The following CLUH variants were observed in gnomAD, a reference collection of about 807,000 sequenced individuals.
CLUH encodes clustered mitochondria protein homolog.
A neutral mutation model predicts 139.3 loss-of-function variants in CLUH; 77 were observed. That is an observed-to-expected ratio of 0.55 (90% CI 0.46 to 0.67). The LOEUF (loss-of-function observed/expected upper bound fraction) is 0.67, where lower values mean the gene tolerates loss of function less well. Ranked by LOEUF, CLUH falls within the 30% of genes least tolerant of loss-of-function variation. The pLI, the probability that CLUH is intolerant of heterozygous loss-of-function variation, is 0.00. For missense variants in CLUH, 1,876 were observed against 1,875.8 expected (o/e 1.00, Z 0.00); for synonymous variants, 999 against 801.6 (o/e 1.25, Z -4.16).
In CLUH at chr17:2,696,423, C is replaced by A. The variant is rs1416482059; in HGVS notation, c.2290+11G>T. On this transcript the variant is annotated intron_variant, in intron 12 of 25. Coordinates refer to ENST00000651024, the MANE Select transcript of CLUH (RefSeq NM_001366661.1). ...GGAGGGCTCCTGCGCTGGCCGGCCC[C>A]CACCACCTGCCTGGTGAGAAGATGT... The A allele has an allele frequency of 1.3e-5, 20 of 1,574,178 alleles. No individual in the cohort carries two copies. Among genetic ancestry groups the A allele is most frequent in the Non-Finnish European group, 1.7e-5 (20 of 1,161,352 alleles).
chr17:2,698,844 G>A (rs1039965926), intron 9 of CLUH, among the ~76,000 whole-genome samples: 2 of 152,080 alleles, frequency 1.3e-5, no homozygotes, highest in Non-Finnish European at 2.9e-5. Flanking sequence ...ACGAGTTCGA[G>A]ACCAGCCTGA....
chr17:2,694,940 T>C lies in CLUH; in HGVS notation c.2769A>G (p.Thr923=). The C allele has an allele frequency of 6.2e-7, 1 of 1,609,470 alleles. No homozygotes were observed. The highest frequency in any genetic ancestry group is 8.5e-7 in the Non-Finnish European group (1 of 1,177,786). The change falls in exon 16 of 26, where the codon ACA becomes ACG. Residue 923 remains threonine, a synonymous_variant. Transcript: ENST00000651024. The part of the protein sequence containing the change: ...KNRPPGAADN[T]AWAVMTPQEL... ...CCTGGGGGGTCATGACAGCCCAGGC[T>C]GTGTTATCTGCAGCCCCCGGGGGCC...
In CLUH at chr17:2,702,069, G is replaced by C; in HGVS notation, c.476-12C>G. 2 of 1,612,436 alleles carry C rather than the reference G, an allele frequency of 1.2e-6. No homozygotes were observed. The highest frequency in any genetic ancestry group is 1.7e-6 in the Non-Finnish European group (2 of 1,179,342). On this transcript the variant is annotated splice_polypyrimidine_tract_variant and intron_variant, in intron 3 of 25. Transcript: ENST00000651024. Reference sequence around the variant, plus strand: ...CACCGTGTACGGCTCTGTCAGGAAGGCAGGGAGGGTATGGCGTTACCAGGG... The same window carrying C: ...CACCGTGTACGGCTCTGTCAGGAAGCCAGGGAGGGTATGGCGTTACCAGGG...
intron 16 of CLUH, 44 bp from the exon 17 acceptor site, chr17:2,694,608 G>GC (rs746259581): frequency 8.7e-5 from 132 of 1,516,630 alleles, no homozygotes; most frequent in South Asian, 5.6e-4. Flanking sequence ...GCACCGCCGG[G>GC]CCCCCCCAAC....
In CLUH at chr17:2,691,986, CACGCCCCCGCCGCGCA is replaced by C; in HGVS notation, c.3654+2_3654+17del. On this transcript the variant is annotated splice_donor_variant and splice_donor_5th_base_variant and intron_variant, in intron 23 of 25. Coordinates refer to ENST00000651024, the MANE Select transcript of CLUH (RefSeq NM_001366661.1). LOFTEE classifies it high-confidence loss of function. Reference sequence around the variant, plus strand: ...GCCCCCGCCCCGCCCCCGCCCCCGCCACGCCCCCGCCGCGCACCTGCGTCTTGTAGATGGTGTAACC... The same window carrying C: ...GCCCCCGCCCCGCCCCCGCCCCCGCCCCTGCGTCTTGTAGATGGTGTAACC... 3.2e-6 allele frequency: 1 copy of C among 316,130 alleles called. No individual in the cohort carries two copies. The highest frequency in any genetic ancestry group is 3.9e-6 in the Non-Finnish European group (1 of 254,798). 19.6% of individuals were successfully genotyped at this position (316,130 alleles called of 1,614,324 possible).
At chr17:2,692,999 G>C (rs967586798) in intron 19 of CLUH, 139 bp from the exon 20 acceptor site, 48 of 709,664 alleles carry the variant, frequency 6.8e-5, no homozygotes, top group Admixed American at 3.5e-4. Context: ...AGTGCAGCAG[G>C]GGGGAGGGGG....
intron 4 of CLUH, 53 bp downstream of exon 4, chr17:2,701,861 C>T: frequency 1.9e-6 from 3 of 1,607,846 alleles, no homozygotes; most frequent in South Asian, 1.1e-5. Flanking sequence ...CAGCCCCCCA[C>T]CTCCGTGCTC....
rs1182918433 is a variant in CLUH at position 2,697,957 on chromosome 17, C to T, written c.1900G>A (p.Ala634Thr). 4 of 1,566,046 alleles carry T rather than the reference C, an allele frequency of 2.6e-6. No homozygotes were observed. The South Asian group carries it at 3.5e-5, about 14-fold the overall frequency. Residue 634 changes from alanine to threonine, a missense_variant, in exon 10 of 26, where the codon GCC (alanine) becomes ACC (threonine). Transcript: ENST00000651024. ...EECARAGFPR[A>T]HRHKLCCLRQ... Reference sequence around the variant, plus strand: ...AGGCAGCAGAGCTTGTGCCGGTGGGCGCGGGGGAAGCCGGCGCGGGCGCAT... The same window carrying T: ...AGGCAGCAGAGCTTGTGCCGGTGGGTGCGGGGGAAGCCGGCGCGGGCGCAT...
At chr17:2,699,026 G>A (rs1434492381) in intron 9 of CLUH, among the ~76,000 whole-genome samples, 3 of 152,042 alleles carry the variant, frequency 2.0e-5, no homozygotes, top group Non-Finnish European at 4.4e-5. Context: ...CAGCCTGGGG[G>A]ACAGAGTGAG....
rs761993985 is a variant in CLUH at position 2,698,587 on chromosome 17, G to A, written c.1270C>T (p.His424Tyr). Residue 424 changes from histidine to tyrosine, a missense_variant, in exon 10 of 26, where the codon CAC becomes TAC. Around this residue, in one of 3 missense-constraint regions of CLUH, gnomAD observed 1,454 missense variants for 1,384.4 expected, o/e 1.05. Transcript: ENST00000651024. The stretch of plus-strand genomic sequence containing the variant: ...GTGGCTGCCGCGGTGAAGTCGCTGT[G>A]CACCTGGCGGGGGTCGAGGAGGGCA... ...LLRERAIFKVHSDFTAAATRG... is the reference protein window; with the variant it reads ...LLRERAIFKVYSDFTAAATRG... 6 of 1,597,490 alleles carry A rather than the reference G, an allele frequency of 3.8e-6. No homozygotes were observed. Among genetic ancestry groups the A allele is most frequent in the Non-Finnish European group, 3.4e-6 (4 of 1,171,420 alleles).
chr17:2,697,754 G>T, intron 10 of CLUH, 142 bp downstream of exon 10: 2 of 811,962 alleles, frequency 2.5e-6, no homozygotes, highest in African/African-American at 1.8e-5. Flanking sequence ...GGTGGGGACG[G>T]GTCTCCAATG....
In CLUH at chr17:2,706,354, T is replaced by C. The variant is rs1161682533; in HGVS notation, c.101-1790A>G. Among the ~76,000 whole-genome samples, 1 of 152,052 alleles carries C rather than the reference T, an allele frequency of 6.6e-6. No homozygotes were observed. The highest frequency in any genetic ancestry group is 1.5e-5 in the Non-Finnish European group (1 of 67,996). On this transcript the variant is annotated intron_variant, in intron 1 of 25. Transcript: ENST00000651024. This position sits in a 1 kb window ranked among gnomAD's most constrained non-coding sequence, Gnocchi z 4.6. ...TCCCCCTTACCCCAAAGAGGGGTAT[T>C]TGAAGCCCAGAAAGGCTCGGAGCCT...
intron 11 of CLUH, 72 bp from the exon 12 acceptor site, chr17:2,696,610 C>A: frequency 2.0e-6 from 3 of 1,530,968 alleles, no homozygotes; most frequent in Non-Finnish European, 2.6e-6. Context: ...CCAAGCCTCG[C>A]CCCCTAGCTC....
chr17:2,694,059 G>A lies in CLUH; in HGVS notation c.3092-20C>T, dbSNP rs948660612. 3.8e-5 allele frequency: 61 copies of A among 1,613,778 alleles called. No individual in the cohort carries two copies. Among genetic ancestry groups the A allele is most frequent in the Non-Finnish European group, 5.0e-5 (59 of 1,179,840 alleles). On this transcript the variant is annotated intron_variant, in intron 18 of 25. Transcript: ENST00000651024. ...GGAAGCCTGCAGGGCACCCCCAGGGGTGGCAAGGTCAGGACGGGCCATGGG... is the reference window on the plus strand; with the variant it reads ...GGAAGCCTGCAGGGCACCCCCAGGGATGGCAAGGTCAGGACGGGCCATGGG...
rs1415881952 is a variant in CLUH, at chr17:2,701,491, C to T, written c.774G>A (p.Met258Ile). The T allele has an allele frequency of 1.2e-6, 2 of 1,613,888 alleles. No homozygotes were observed. The highest frequency in any genetic ancestry group is 1.7e-5 in the Admixed American group (1 of 60,020). The change falls in exon 6 of 26, where the codon ATG (methionine) becomes ATA (isoleucine). Residue 258 changes from methionine to isoleucine, a missense_variant. This residue lies in a region of CLUH where 270 missense variants were observed against 354.7 expected (regional missense o/e 0.76). Transcript: ENST00000651024. Reference protein sequence around the residue: ...KPLQCLKVLTMSGWNPPPGNR... With the variant: ...KPLQCLKVLTISGWNPPPGNR... ...TCCCCGGGGGCGGGTTCCATCCGCT[C>T]ATGGTGAGTACTTTCAGGCACTGCA...
intron 22 of CLUH, 101 bp downstream of exon 22, chr17:2,692,260 C>T: frequency 1.4e-6 from 2 of 1,456,554 alleles, no homozygotes; most frequent in Non-Finnish European, 1.8e-6. Flanking sequence ...GAGAAATTTT[C>T]TCGGGTGGAG....
rs1316461067 is a variant in CLUH, at chr17:2,704,148, C to G, written c.303+214G>C. ...CCCCACATAGGGCTGGCAGGCCCAG[C>G]TGGTTGCTGTCCTCTAGCAATGGGG... On this transcript the variant is annotated intron_variant, in intron 2 of 25. Coordinates refer to ENST00000651024, the MANE Select transcript of CLUH (RefSeq NM_001366661.1). This position sits in a 1 kb window ranked among gnomAD's most constrained non-coding sequence, Gnocchi z 5.7. Among the ~76,000 whole-genome samples, 1 of 152,212 alleles carries G rather than the reference C, an allele frequency of 6.6e-6. No individual in the cohort carries two copies. Among genetic ancestry groups the G allele is most frequent in the Non-Finnish European group, 1.5e-5 (1 of 68,032 alleles).
At position 2,706,570 on chromosome 17, in the gene CLUH, C is replaced by G. The variant is rs556970892; in HGVS notation, c.101-2006G>C. Among the ~76,000 whole-genome samples the G allele has an allele frequency of 3.3e-5, 5 of 152,284 alleles. No homozygotes were observed. Among genetic ancestry groups the G allele is most frequent in the Non-Finnish European group, 7.4e-5 (5 of 68,014 alleles). Reference sequence around the variant, plus strand: ...ACGAGGATGTACAAAGACCTCCCTTCCAGGATCCAACCGCCCCAGGAAGGG... The same window carrying G: ...ACGAGGATGTACAAAGACCTCCCTTGCAGGATCCAACCGCCCCAGGAAGGG... On this transcript the variant is annotated intron_variant, in intron 1 of 25. Transcript: ENST00000651024. The surrounding 1 kb of genome is among the most constrained non-coding windows in gnomAD (Gnocchi z 4.6).
rs1555529824 is a variant in CLUH at position 2,693,141 on chromosome 17, C to CCAAAAAA, written c.3232-282_3232-281insTTTTTTG. Among the ~76,000 whole-genome samples the CCAAAAAA allele has an allele frequency of 7.5e-4, 55 of 73,784 alleles. 1 individual carries two copies. The highest frequency in any genetic ancestry group is 2.9e-3 in the Admixed American group (16 of 5,428). 48.4% of individuals were successfully genotyped at this position (73,784 alleles called of 152,430 possible). On this transcript the variant is annotated intron_variant, in intron 19 of 25. Transcript: ENST00000651024. The stretch of plus-strand genomic sequence containing the variant: ...AAACCTAAAACTACTAAAAATGTTA[C>CCAAAAAA]AAAAAAAAAAAAAAAGCCTGAGCAG...
Sources: allele counts gnomAD v4.1 joint callset (sites outside exome capture counted in the v4.1 genomes callset), GRCh38; gene constraint gnomAD v4.1.1; regional missense constraint gnomAD v4.1.1; non-coding constraint Gnocchi (gnomAD v3.1); transcripts MANE v1.5; gene names NCBI Gene and HGNC (gene_info 2026-07-23, HGNC 2026-07-21).